SYT1: variants seen among roughly 807,000 people sequenced by gnomAD.
The protein encoded by SYT1 is synaptotagmin-1.
A neutral mutation model predicts 44.8 loss-of-function variants in SYT1; 8 were observed. The ratio of observed to expected loss-of-function variants is 0.18; its 90% CI spans 0.10 to 0.32. SYT1 has a LOEUF of 0.32. SYT1 is among the 10% of genes least tolerant of loss of function. The probability of loss-of-function intolerance (pLI) is 1.00; values close to 1 mark genes in which losing one functional copy is unlikely to be tolerated. For missense variants in SYT1, 286 were observed against 509.3 expected, an observed-to-expected ratio of 0.56 and a Z score of 4.22; for synonymous variants, 154 against 188.8, an observed-to-expected ratio of 0.82 and a Z score of 1.51.
intron 8 of SYT1, among the ~76,000 whole-genome samples, chr12:79,330,398 G>A (rs1881802071): frequency 6.6e-6 from 1 of 152,180 alleles, no homozygotes; most frequent in African/African-American, 2.4e-5. Context: ...GCATGATGCT[G>A]AGTACTCCTA....
intron 8 of SYT1, among the ~76,000 whole-genome samples, chr12:79,301,336 A>G (rs1880141585): frequency 6.6e-6 from 1 of 152,064 alleles, no homozygotes; most frequent in Non-Finnish European, 1.5e-5. Context: ...AAATTGTGCA[A>G]TGTTTTTTTC....
At chr12:79,376,291 C>T (rs996503118) in intron 9 of SYT1, among the ~76,000 whole-genome samples, 3 of 152,128 alleles carry the variant, frequency 2.0e-5, no homozygotes, top group East Asian at 1.9e-4. Flanking sequence ...AGAGCAGTCC[C>T]GAGGGCTGCT....
intron 1 of SYT1, among the ~76,000 whole-genome samples, chr12:78,976,864 A>T (rs1868877656): frequency 6.6e-6 from 1 of 152,208 alleles, no homozygotes; most frequent in African/African-American, 2.4e-5. Flanking sequence ...TCAGCTGATA[A>T]CGTGAATTCT....
intron 2 of SYT1, among the ~76,000 whole-genome samples, chr12:79,007,516 G>A (rs994677024): frequency 6.6e-6 from 1 of 152,040 alleles, no homozygotes; most frequent in African/African-American, 2.4e-5. Flanking sequence ...CCATCATGTG[G>A]TAATAACAGT....
chr12:79,021,504 T>TA (rs943592169), intron 2 of SYT1, among the ~76,000 whole-genome samples: 2 of 151,810 alleles, frequency 1.3e-5, no homozygotes, highest in African/African-American at 4.8e-5. Flanking sequence ...TCTCCTTTCT[T>TA]AAAAAAATCA....
chr12:79,417,826 A>G (rs984117296), intron 9 of SYT1, among the ~76,000 whole-genome samples: 7 of 148,952 alleles, frequency 4.7e-5, no homozygotes, highest in Middle Eastern at 3.4e-3. Context: ...GAGAACCTCT[A>G]AAGTTGTGCT....
chr12:79,259,481 C>T (rs944620342), intron 4 of SYT1, among the ~76,000 whole-genome samples: 3 of 152,148 alleles, frequency 2.0e-5, no homozygotes, highest in Admixed American at 6.5e-5. Flanking sequence ...TGCCTATAAT[C>T]CCAGCACTTT....
chr12:79,254,793 C>A (rs1332509132), intron 4 of SYT1, among the ~76,000 whole-genome samples: 3 of 152,140 alleles, frequency 2.0e-5, no homozygotes, highest in Non-Finnish European at 4.4e-5. Context: ...TTCAGAACTT[C>A]AGTGGAGAAG....
At chr12:78,996,169 T>G (rs1360068052) in intron 2 of SYT1, among the ~76,000 whole-genome samples, 3 of 152,190 alleles carry the variant, frequency 2.0e-5, no homozygotes, top group Admixed American at 6.5e-5. Context: ...CTCTGTCAGC[T>G]TTTGCTGAAC....
intron 5 of SYT1, among the ~76,000 whole-genome samples, chr12:79,289,118 A>G (rs1374367332): frequency 6.6e-6 from 1 of 152,228 alleles, no homozygotes; most frequent in Admixed American, 6.5e-5. Flanking sequence ...CCAAATCTGA[A>G]CAATGTAACT....
chr12:78,968,583 T>A (rs1157656969), intron 1 of SYT1, among the ~76,000 whole-genome samples: 1 of 152,210 alleles, frequency 6.6e-6, no homozygotes, highest in East Asian at 1.9e-4. Context: ...TCTCTTAATT[T>A]ACTCTGAATC....
chr12:79,278,530 G>A (rs1379191175), intron 4 of SYT1, among the ~76,000 whole-genome samples: 1 of 152,064 alleles, frequency 6.6e-6, no homozygotes, highest in African/African-American at 2.4e-5. Flanking sequence ...TAAGAGGGAA[G>A]TTTACAATGC....
chr12:79,322,039 C>T (rs1461976621), intron 8 of SYT1, among the ~76,000 whole-genome samples: 1 of 152,066 alleles, frequency 6.6e-6, no homozygotes, highest in Non-Finnish European at 1.5e-5. Flanking sequence ...AAGTGACCCA[C>T]CGTTTCCCAC....
At chr12:78,979,419 T>G (rs1869084327) in intron 2 of SYT1, among the ~76,000 whole-genome samples, 1 of 152,076 alleles carries the variant, frequency 6.6e-6, no homozygotes, top group Non-Finnish European at 1.5e-5. Flanking sequence ...CAGACTTAAG[T>G]CAGAATCTTT....
chr12:79,279,703 G>T (rs912090759), intron 4 of SYT1, among the ~76,000 whole-genome samples: 1 of 152,020 alleles, frequency 6.6e-6, no homozygotes, highest in South Asian at 2.1e-4. Flanking sequence ...TTGGAAAAGA[G>T]GATGTCAAAC....
chr12:79,254,860 T>C (rs560817556), intron 4 of SYT1, among the ~76,000 whole-genome samples: 81 of 152,344 alleles, frequency 5.3e-4, no homozygotes, highest in Non-Finnish European at 8.1e-4. Flanking sequence ...AGCCTGAAGA[T>C]GTAACTGAAT....
chr12:78,999,018 A>C (rs1209941545), intron 2 of SYT1, among the ~76,000 whole-genome samples: 1 of 152,180 alleles, frequency 6.6e-6, no homozygotes, highest in African/African-American at 2.4e-5. Flanking sequence ...TGTAGATAGT[A>C]ATATTGATGT....
intron 4 of SYT1, among the ~76,000 whole-genome samples, chr12:79,219,712 T>G (rs1744669635): frequency 6.6e-6 from 1 of 152,084 alleles, no homozygotes; most frequent in Non-Finnish European, 1.5e-5. Flanking sequence ...GTGTCTGTTT[T>G]TATGCTTGTA....
At chr12:79,139,835 A>G (rs1472370562) in intron 3 of SYT1, among the ~76,000 whole-genome samples, 1 of 152,202 alleles carries the variant, frequency 6.6e-6, no homozygotes, top group African/African-American at 2.4e-5. Context: ...CACTGAGCAG[A>G]ATGAGTGAGT....
Sources: gnomAD v4.1 joint callset for allele counts (sites outside exome capture counted in the v4.1 genomes callset) on GRCh38, gnomAD v4.1.1 for gene constraint, MANE v1.5 for transcripts, NCBI Gene and HGNC (gene_info 2026-07-23, HGNC 2026-07-21) for gene names.